Variants in ABLIM1 observed in about 807,000 individuals in gnomAD.
The protein encoded by ABLIM1 is actin-binding LIM protein 1.
ABLIM1 carries 40 observed loss-of-function variants against 107.0 expected under a neutral mutation model. That is an observed-to-expected ratio of 0.37 (90% CI 0.29 to 0.49). ABLIM1 has a LOEUF of 0.49. Ranked by LOEUF, ABLIM1 falls within the 20% of genes least tolerant of loss-of-function variation. The pLI is 0.97. For missense variants in ABLIM1, 857 were observed against 1,008.5 expected (o/e 0.85, Z 2.04); for synonymous variants, 357 against 357.3 (o/e 1.00, Z 0.01).
intron 1 of ABLIM1, among the ~76,000 whole-genome samples, chr10:114,683,077 C>T: frequency 6.6e-6 from 1 of 152,196 alleles, no homozygotes; most frequent in East Asian, 1.9e-4. Flanking sequence ...TACACGAATG[C>T]ATTCTAATTA....
intron 3 of ABLIM1, 59 bp downstream of exon 3, chr10:114,575,357 C>G (rs1280634159): frequency 6.3e-7 from 1 of 1,579,666 alleles, no homozygotes; most frequent in East Asian, 2.2e-5. Flanking sequence ...TTTAACAGCC[C>G]AAACCAGCAT....
chr10:114,499,776 T>C (rs2060145456), intron 6 of ABLIM1, among the ~76,000 whole-genome samples: 1 of 152,070 alleles, frequency 6.6e-6, no homozygotes, highest in South Asian at 2.1e-4. Context: ...GGCAGGTGCA[T>C]GGGCGGAAGG....
chr10:114,680,579 G>A (rs1418720880), intron 1 of ABLIM1, among the ~76,000 whole-genome samples: 1 of 152,210 alleles, frequency 6.6e-6, no homozygotes, highest in Admixed American at 6.5e-5. Flanking sequence ...GAGGACAAGA[G>A]GCACCCTTCC....
intron 5 of ABLIM1, 172 bp downstream of exon 5, chr10:114,547,478 C>T: frequency 1.2e-6 from 1 of 835,278 alleles, no homozygotes; most frequent in Non-Finnish European, 1.8e-6. Context: ...GTAGCCAAGG[C>T]AAAAGAATAC....
intron 6 of ABLIM1, among the ~76,000 whole-genome samples, chr10:114,533,177 TA>T (rs1352169284): frequency 1.3e-5 from 2 of 151,928 alleles, no homozygotes; most frequent in Admixed American, 6.6e-5. Context: ...CCATCTCTAG[TA>T]AAAAACACAA....
At chr10:114,639,147 T>C (rs2078620397) in intron 1 of ABLIM1, among the ~76,000 whole-genome samples, 1 of 152,180 alleles carries the variant, frequency 6.6e-6, no homozygotes, top group African/African-American at 2.4e-5. Flanking sequence ...GATTTGTCAG[T>C]CATCATCGGA....
chr10:114,627,178 C>A (rs1481163606), intron 1 of ABLIM1, among the ~76,000 whole-genome samples: 11 of 152,200 alleles, frequency 7.2e-5, no homozygotes, highest in Admixed American at 7.2e-4. Context: ...TCATTACAAT[C>A]ACCCAACCTG....
chr10:114,602,194 G>A (rs1203934971), intron 1 of ABLIM1, among the ~76,000 whole-genome samples: 2 of 152,156 alleles, frequency 1.3e-5, no homozygotes, highest in South Asian at 4.1e-4. Flanking sequence ...GGAGCCTGCT[G>A]TCTTCTCCCT....
chr10:114,558,257 G>T (rs1201498268), intron 4 of ABLIM1, among the ~76,000 whole-genome samples: 1 of 152,056 alleles, frequency 6.6e-6, no homozygotes, highest in Non-Finnish European at 1.5e-5. Context: ...AAACTAAAAG[G>T]AGTCAGGTTG....
chr10:114,768,026 G>T (rs1393007488), intron 1 of ABLIM1: 1 of 428,664 alleles, frequency 2.3e-6, no homozygotes, highest in Admixed American at 2.5e-5. Flanking sequence ...GGCCCGCCGG[G>T]GTCAGTGGAC....
At chr10:114,698,902 T>C (rs2081249538) in intron 1 of ABLIM1, among the ~76,000 whole-genome samples, 1 of 151,738 alleles carries the variant, frequency 6.6e-6, no homozygotes, top group African/African-American at 2.4e-5. Context: ...TCCAAGAAAA[T>C]GTGGAATTCA....
intron 1 of ABLIM1, among the ~76,000 whole-genome samples, chr10:114,603,900 C>A (rs1301164961): frequency 1.3e-5 from 2 of 150,146 alleles, no homozygotes; most frequent in Non-Finnish European, 2.9e-5. Flanking sequence ...TTGCAGTGAG[C>A]CGAGATCGCA....
the ABLIM1 span, among the ~76,000 whole-genome samples, chr10:114,784,865 C>A: frequency 1.5e-4 from 23 of 151,632 alleles, no homozygotes; most frequent in African/African-American, 5.6e-4. Flanking sequence ...TTTCCTGGAC[C>A]ATAAAGGAAA....
chr10:114,542,445 A>G (rs374385761), intron 6 of ABLIM1, among the ~76,000 whole-genome samples: 2 of 151,368 alleles, frequency 1.3e-5, no homozygotes, highest in South Asian at 2.1e-4. Flanking sequence ...AAAGAAAAAA[A>G]AAAAAGAAAA....
At chr10:114,682,993 A>C (rs1404962623) in intron 1 of ABLIM1, among the ~76,000 whole-genome samples, 2 of 152,202 alleles carry the variant, frequency 1.3e-5, no homozygotes, top group African/African-American at 4.8e-5. Flanking sequence ...GAGATATTCT[A>C]ATTTTATCAC....
chr10:114,517,616 AG>A (rs112356709), intron 6 of ABLIM1, among the ~76,000 whole-genome samples: 3,882 of 152,216 alleles, frequency 0.026, 157 homozygotes, highest in African/African-American at 0.086. Flanking sequence ...AAGGGCGGGG[AG>A]GGGGGCCACA....
chr10:114,687,972 C>G (rs1591827575), upstream of ABLIM1, among the ~76,000 whole-genome samples: 1 of 152,026 alleles, frequency 6.6e-6, no homozygotes, highest in Admixed American at 6.5e-5. Context: ...GGTCCCATCC[C>G]AAGCTCAGCT....
chr10:114,759,034 C>G (rs11196901), intron 1 of ABLIM1, among the ~76,000 whole-genome samples: 3 of 152,146 alleles, frequency 2.0e-5, no homozygotes, highest in African/African-American at 7.2e-5. Context: ...TAACAAAGGA[C>G]TAAAACAACA....
At chr10:114,664,900 C>T (rs1317674986) in intron 1 of ABLIM1, among the ~76,000 whole-genome samples, 3 of 150,866 alleles carry the variant, frequency 2.0e-5, no homozygotes, top group African/African-American at 7.3e-5. Flanking sequence ...GGGCGGATCA[C>T]GAGGTCAGGA....
Sources: gnomAD v4.1 joint callset for allele counts (sites outside exome capture counted in the v4.1 genomes callset) on GRCh38, gnomAD v4.1.1 for gene constraint, MANE v1.5 for transcripts, NCBI Gene and HGNC (gene_info 2026-07-23, HGNC 2026-07-21) for gene names.